Variants in ATM observed in about 807,000 individuals in gnomAD.
The protein encoded by ATM is serine-protein kinase ATM.
A neutral mutation model predicts 387.0 loss-of-function variants in ATM; 308 were observed. That is an observed-to-expected ratio of 0.80 (90% CI 0.73 to 0.87). The LOEUF (loss-of-function observed/expected upper bound fraction) is 0.87. Ranked by LOEUF, ATM falls within the 40% of genes least tolerant of loss-of-function variation. The probability of loss-of-function intolerance (pLI) is 0.00; values close to 1 mark genes in which losing one functional copy is unlikely to be tolerated. For synonymous variants in ATM, 1,156 were observed against 1,187.3 expected (o/e 0.97, Z 0.54); for missense variants, 3,312 against 3,560.9 (o/e 0.93, Z 1.78).
intron 16 of ATM, among the ~76,000 whole-genome samples, chr11:108,262,430 T>C (rs2080954581): frequency 6.6e-6 from 1 of 152,156 alleles, no homozygotes; most frequent in Non-Finnish European, 1.5e-5. Flanking sequence ...GACAAGCAAA[T>C]GCTGAGAGAT....
At chr11:108,254,751 A>G (rs2080369079) in intron 13 of ATM, among the ~76,000 whole-genome samples, 1 of 152,070 alleles carries the variant, frequency 6.6e-6, no homozygotes, top group African/African-American at 2.4e-5. Context: ...CTTCCAGTTC[A>G]AGCAATTCTC....
chr11:108,247,170 A>T, intron 8 of ATM, 43 bp downstream of exon 8: 1 of 1,553,854 alleles, frequency 6.4e-7, no homozygotes, highest in Non-Finnish European at 8.8e-7. Flanking sequence ...TTTCCTGTTA[A>T]TTTTTTTTTT....
At chr11:108,280,719 C>T (rs1366126707) in intron 23 of ATM, among the ~76,000 whole-genome samples, 4 of 152,050 alleles carry the variant, frequency 2.6e-5, no homozygotes, top group South Asian at 2.1e-4. Context: ...GATTTTTAGC[C>T]AGAATGTTAT....
At chr11:108,232,649 C>T (rs1253525416) in intron 4 of ATM, among the ~76,000 whole-genome samples, 1 of 144,374 alleles carries the variant, frequency 6.9e-6, no homozygotes, top group Non-Finnish European at 1.5e-5. Context: ...AAGCGATTCT[C>T]ACGTGTCAGC....
rs1060501551 is a variant in ATM at position 108,289,683 on chromosome 11, A to T, written c.4318A>T (p.Lys1440Ter). 3.7e-6 allele frequency: 6 copies of T among 1,613,442 alleles called. No homozygotes were observed. Among genetic ancestry groups the T allele is most frequent in the Non-Finnish European group, 5.1e-6 (6 of 1,179,810 alleles). Residue 1440 changes from lysine (K) to a stop codon, truncating the protein, a stop_gained, in exon 29 of 63, where the codon AAA becomes TAA. Coordinates refer to ENST00000675843, the MANE Select transcript of ATM (RefSeq NM_000051.4). LOFTEE classifies it high-confidence loss of function. ...NNVYKKHRIL[K>*]IYHLFVSLLL... ...TGTTTATAAGAAGCACAGAATTCTT[A>T]AAATATATCACCTGTTTGTTAGTTT...
intron 16 of ATM, among the ~76,000 whole-genome samples, chr11:108,261,540 G>C (rs2080887964): frequency 6.6e-6 from 1 of 152,056 alleles, no homozygotes; most frequent in Non-Finnish European, 1.5e-5. Flanking sequence ...GGAAAAAACA[G>C]AACAGAAAAA....
intron 5 of ATM, among the ~76,000 whole-genome samples, chr11:108,237,899 G>GTTTTTTTTTTTTTTTTTTTTTTTTTTTTC (rs369161623): frequency 1.1e-5 from 1 of 92,046 alleles, no homozygotes; most frequent in Non-Finnish European, 2.0e-5. Context: ...ATTTACTTAG[G>GTTTTTTTTTTTTTTTTTTTTTTTTTTTTC]TTTTTTTTTT....
Position 108,307,925 on chromosome 11 carries a change from G to A in ATM, c.5703G>A (p.Leu1901=), listed in dbSNP as rs756979112. 1 of 1,613,794 alleles carries A rather than the reference G, an allele frequency of 6.2e-7. No individual in the cohort carries two copies. Among genetic ancestry groups the A allele is most frequent in the Admixed American group, 1.7e-5 (1 of 59,996 alleles). Residue 1901 remains leucine (L), a synonymous_variant, in exon 38 of 63, where the codon TTG becomes TTA. Transcript: ENST00000675843. ...CAGAGCACTTTTTCCGATGCTGTTTGGATAAAAAATCACAAAGAACAATGC... is the reference window on the plus strand; with the variant it reads ...CAGAGCACTTTTTCCGATGCTGTTTAGATAAAAAATCACAAAGAACAATGC... The part of the protein sequence containing the change: ...SESEHFFRCC[L]DKKSQRTMLA...
intron 32 of ATM, chr11:108,295,290 A>G: frequency 2.1e-6 from 1 of 481,892 alleles, no homozygotes; most frequent in East Asian, 3.9e-5. Flanking sequence ...CCCAAATATG[A>G]TCATGTTTTT....
In ATM at chr11:108,353,828, A is replaced by G. The variant is rs376676328; in HGVS notation, c.8734A>G (p.Arg2912Gly). 298 of 1,614,054 alleles carry G rather than the reference A, an allele frequency of 1.8e-4. 1 individual carries two copies. Among genetic ancestry groups the G allele is most frequent in the Non-Finnish European group, 2.2e-4 (258 of 1,179,938 alleles). Residue 2912 changes from arginine to glycine, a missense_variant, in exon 60 of 63, where the codon AGA (arginine) becomes GGA (glycine). Arg to Gly is a moderately radical substitution (Grantham distance 125, BLOSUM62 -2). Around this residue, in one of 4 missense-constraint regions of ATM, gnomAD observed 1,405 missense variants for 1,604.4 expected, o/e 0.88. Coordinates refer to ENST00000675843, the MANE Select transcript of ATM (RefSeq NM_000051.4). ...TGAGACAGTTCCTTTTAGACTCACCAGAGATATTGTGGATGGCATGGGCAT... is the reference window on the plus strand; with the variant it reads ...TGAGACAGTTCCTTTTAGACTCACCGGAGATATTGTGGATGGCATGGGCAT... ...TPETVPFRLTRDIVDGMGITG... is the reference protein window; with the variant it reads ...TPETVPFRLTGDIVDGMGITG...
chr11:108,292,186 T>C (rs1261750369), intron 29 of ATM, among the ~76,000 whole-genome samples: 2 of 152,232 alleles, frequency 1.3e-5, no homozygotes, highest in Non-Finnish European at 2.9e-5. Flanking sequence ...CTCCATGAAC[T>C]ACCATGAGCC....
At chr11:108,306,259 G>A (rs1215990709) in intron 37 of ATM, among the ~76,000 whole-genome samples, 1 of 151,708 alleles carries the variant, frequency 6.6e-6, no homozygotes, top group Non-Finnish European at 1.5e-5. Flanking sequence ...CTAGATTATA[G>A]GCTGTTCTCT....
At chr11:108,284,163 A>G (rs932466510) in intron 25 of ATM, 64 bp from the exon 26 acceptor site, 8 of 1,295,784 alleles carry the variant, frequency 6.2e-6, no homozygotes, top group African/African-American at 6.0e-5. Flanking sequence ...TTTAAGAACT[A>G]TTTTATAAAA....
In ATM at chr11:108,294,792, C is replaced by T; in HGVS notation, c.4777-135C>T. ...TTGCAGTGGAAGAAATCATTTATTT[C>T]TTCCTTGATTAGTAGTAATAGAGAC... On this transcript the variant is annotated intron_variant, in intron 31 of 62. Coordinates refer to ENST00000675843, the MANE Select transcript of ATM (RefSeq NM_000051.4). 9 of 897,894 alleles carry T rather than the reference C, an allele frequency of 1.0e-5. No individual in the cohort carries two copies. The South Asian group carries it at 1.2e-4, about 12-fold the overall frequency. The allele number at this position is 897,894 out of a possible 1,614,324, so 55.6% of individuals were successfully genotyped here.
Position 108,330,281 on chromosome 11 carries a change from C to G in ATM, c.7375C>G (p.Arg2459Gly), listed in dbSNP as rs730881383. 33 of 1,614,040 alleles carry G rather than the reference C, an allele frequency of 2.0e-5. No homozygotes were observed. The highest frequency in any genetic ancestry group is 1.0e-4 in the Admixed American group (6 of 59,998). ...AGCCCTGCGTGCACTGAAAGAGGAT[C>G]GTAAACGCTTCTTATGTAAAGCAGT... The part of the protein sequence containing the change: ...ELALRALKED[R>G]KRFLCKAVEN... Residue 2459 changes from arginine (R) to glycine (G), a missense_variant, in exon 50 of 63, where the codon CGT becomes GGT. Physicochemically the swap from Arg to Gly is moderately radical, Grantham distance 125 (BLOSUM62 -2). Transcript: ENST00000675843.
rs756972430 is a variant in ATM, at chr11:108,272,521, C to T, written c.3078-11C>T. 3 of 1,602,442 alleles carry T rather than the reference C, an allele frequency of 1.9e-6. No homozygotes were observed. The Admixed American group carries it at 5.0e-5, about 27-fold the overall frequency. On this transcript the variant is annotated splice_polypyrimidine_tract_variant and intron_variant, in intron 20 of 62. Transcript: ENST00000675843. ...TGATTATTTAACTTTGGAAAACTTA[C>T]TTGATTTCAGGCATCTAACAAAGGA...
chr11:108,312,517 A>G lies in ATM; in HGVS notation c.6006+19A>G, dbSNP rs757736221. ...TTTACAGGTAAATATTAGAGGCTCT[A>G]TTATTTATGACAGTATTTATCTCAT... is the stretch of plus-strand genomic sequence containing the variant. On this transcript the variant is annotated intron_variant, in intron 40 of 62. Coordinates refer to ENST00000675843, the MANE Select transcript of ATM (RefSeq NM_000051.4). 1 of 1,490,896 alleles carries G rather than the reference A, an allele frequency of 6.7e-7. No homozygotes were observed. Among genetic ancestry groups the G allele is most frequent in the Non-Finnish European group, 9.4e-7 (1 of 1,068,682 alleles). The allele number at this position is 1,490,896 out of a possible 1,614,324, so 92.4% of individuals were successfully genotyped here.
chr11:108,355,800 T>C (rs1285278712), intron 61 of ATM: 7 of 152,260 alleles, frequency 4.6e-5, no homozygotes, highest in African/African-American at 7.2e-5. Context: ...TCTTAATTCA[T>C]TGGCATTAAC....
intron 22 of ATM, among the ~76,000 whole-genome samples, chr11:108,277,694 C>T (rs373354620): frequency 6.6e-6 from 1 of 152,168 alleles, no homozygotes; most frequent in African/African-American, 2.4e-5. Flanking sequence ...CTTTGACTCT[C>T]CCTCCGTGGG....
Sources: allele counts gnomAD v4.1 joint callset (sites outside exome capture counted in the v4.1 genomes callset), GRCh38; gene constraint gnomAD v4.1.1; regional missense constraint gnomAD v4.1.1; transcripts MANE v1.5; gene names NCBI Gene and HGNC (gene_info 2026-07-23, HGNC 2026-07-21).